Variants in KAZN observed in about 807,000 individuals in gnomAD.
KAZN encodes the protein kazrin.
Under a neutral mutation model 87.4 loss-of-function variants are expected in KAZN, and 40 were observed. That is an observed-to-expected ratio of 0.46 (90% CI 0.36 to 0.60). The LOEUF (loss-of-function observed/expected upper bound fraction) is 0.60. Among genes scored for constraint, KAZN ranks in the 20% least tolerant of loss-of-function variants. The pLI is 0.00. For missense variants in KAZN, 898 were observed against 1,073.9 expected (o/e 0.84, Z 2.29); for synonymous variants, 466 against 458.3 (o/e 1.02, Z -0.22).
rs75844696 is a variant in KAZN, at chr1:14,446,677, G to A, written c.250-152306G>A. On this transcript the variant is annotated intron_variant, in intron 2 of 16. Coordinates refer to the KAZN transcript ENST00000636203. ...ATTTCTTTTTCCCCTTGAACCCTAG[G>A]TGAGAGGGCTCCAGTTCTTCATTCG... Among the ~76,000 whole-genome samples, 1,150 of 152,200 alleles carry A rather than the reference G, an allele frequency of 7.6e-3. 21 individuals are homozygous for A. Among genetic ancestry groups the A allele is most frequent in the African/African-American group, 0.026 (1,078 of 41,508 alleles).
intron 2 of KAZN, among the ~76,000 whole-genome samples, chr1:14,257,150 G>T (rs1189874660): frequency 6.6e-6 from 1 of 152,134 alleles, no homozygotes; most frequent in African/African-American, 2.4e-5. Context: ...ATTTTTAAAG[G>T]CATCATTGAA....
chr1:14,285,527 G>GT (rs1228104043), intron 2 of KAZN, among the ~76,000 whole-genome samples: 1 of 152,140 alleles, frequency 6.6e-6, no homozygotes, highest in Non-Finnish European at 1.5e-5. Flanking sequence ...CACATGCAGT[G>GT]TTTGTCTTCT....
chr1:14,924,865 C>T (rs1658996854), intron 1 of KAZN, among the ~76,000 whole-genome samples: 2 of 152,126 alleles, frequency 1.3e-5, no homozygotes, highest in African/African-American at 2.4e-5. Flanking sequence ...GGGCTGGACC[C>T]CGCGTCTGCT....
At chr1:14,422,765 G>T (rs1358529393) in intron 2 of KAZN, among the ~76,000 whole-genome samples, 1 of 152,186 alleles carries the variant, frequency 6.6e-6, no homozygotes, top group Non-Finnish European at 1.5e-5. Context: ...CTAAGAGATG[G>T]CAGCTCATCT....
chr1:14,505,985 T>G (rs1033850975), intron 2 of KAZN, among the ~76,000 whole-genome samples: 1 of 151,838 alleles, frequency 6.6e-6, no homozygotes, highest in Non-Finnish European at 1.5e-5. Flanking sequence ...AAAAAAAAAG[T>G]TCTGGAGGTG....
intron 1 of KAZN, among the ~76,000 whole-genome samples, chr1:14,700,038 T>A (rs1641835780): frequency 6.6e-6 from 1 of 152,036 alleles, no homozygotes; most frequent in Non-Finnish European, 1.5e-5. Flanking sequence ...GAGGAGAACA[T>A]GACAGCCTCC....
intron 1 of KAZN, among the ~76,000 whole-genome samples, chr1:14,033,676 A>G (rs956297066): frequency 2.1e-4 from 32 of 152,348 alleles, no homozygotes; most frequent in Non-Finnish European, 4.4e-4. Flanking sequence ...TGGGACAGAA[A>G]TGAAACCTTT....
chr1:14,703,998 C>G (rs1642071699), intron 1 of KAZN, among the ~76,000 whole-genome samples: 2 of 152,188 alleles, frequency 1.3e-5, no homozygotes, highest in African/African-American at 4.8e-5. Flanking sequence ...TTTCTCCTAC[C>G]AAGTCCAGGA....
At chr1:14,175,928 C>T (rs991455349) in intron 1 of KAZN, among the ~76,000 whole-genome samples, 6 of 152,070 alleles carry the variant, frequency 3.9e-5, no homozygotes, top group Admixed American at 2.0e-4. Context: ...ATTTTAATGC[C>T]CTTGCCAACT....
At chr1:13,969,845 C>T (rs1436072001) in intron 1 of KAZN, among the ~76,000 whole-genome samples, 1 of 152,084 alleles carries the variant, frequency 6.6e-6, no homozygotes, top group African/African-American at 2.4e-5. Flanking sequence ...TTTTGGACTG[C>T]ATTGTCTTTT....
chr1:14,537,031 T>TAGA (rs1672542112), intron 2 of KAZN, among the ~76,000 whole-genome samples: 1 of 152,234 alleles, frequency 6.6e-6, no homozygotes, highest in Non-Finnish European at 1.5e-5. Context: ...ACTTGTTCTG[T>TAGA]GTCATAGTCC....
intron 1 of KAZN, among the ~76,000 whole-genome samples, chr1:13,962,893 G>A (rs1641807258): frequency 6.6e-6 from 1 of 152,190 alleles, no homozygotes; most frequent in Non-Finnish European, 1.5e-5. Flanking sequence ...AAACTGAGGT[G>A]TAGAGAAGTA....
intron 1 of KAZN, among the ~76,000 whole-genome samples, chr1:14,009,836 A>G (rs1408418667): frequency 6.6e-6 from 1 of 152,234 alleles, no homozygotes; most frequent in Non-Finnish European, 1.5e-5. Flanking sequence ...AGAATGTTGC[A>G]GTCATAACTG....
At chr1:14,783,104 G>A (rs1251842899) in intron 1 of KAZN, among the ~76,000 whole-genome samples, 2 of 152,152 alleles carry the variant, frequency 1.3e-5, no homozygotes, top group African/African-American at 2.4e-5. Flanking sequence ...GCCCTGAAGT[G>A]CTCAGTGCAG....
At chr1:14,656,490 C>T (rs1050020732) in intron 1 of KAZN, among the ~76,000 whole-genome samples, 7 of 152,202 alleles carry the variant, frequency 4.6e-5, no homozygotes, top group Non-Finnish European at 8.8e-5. Flanking sequence ...ATCCTCATGT[C>T]TCACATTGTA....
chr1:14,718,488 G>C lies in KAZN; in HGVS notation c.226+119265G>C, dbSNP rs183813940. 3.9e-5 allele frequency among the ~76,000 whole-genome samples: 6 copies of C among 152,338 alleles called. No homozygotes were observed. The East Asian group carries it at 1.2e-3, about 29-fold the overall frequency. On this transcript the variant is annotated intron_variant, in intron 1 of 14. Coordinates refer to ENST00000376030, the MANE Select transcript of KAZN (RefSeq NM_201628.3). ...TATCCTTTTTGTAATAAAAGGAAGA[G>C]AATTGCTGACAATTTTCACAAATTT...
chr1:14,171,703 T>C (rs1266338428), intron 1 of KAZN, among the ~76,000 whole-genome samples: 2 of 152,216 alleles, frequency 1.3e-5, no homozygotes, highest in Non-Finnish European at 2.9e-5. Flanking sequence ...ATGGAGCTTC[T>C]TGTGGCAAGG....
intron 2 of KAZN, among the ~76,000 whole-genome samples, chr1:15,026,545 A>AC (rs1463743247): frequency 4.6e-5 from 7 of 151,998 alleles, no homozygotes; most frequent in African/African-American, 9.7e-5. Context: ...TGGGACCCCC[A>AC]CCCCCAACTC....
chr1:13,987,481 T>C (rs1002704426), intron 1 of KAZN, among the ~76,000 whole-genome samples: 1 of 152,214 alleles, frequency 6.6e-6, no homozygotes, highest in Non-Finnish European at 1.5e-5. Flanking sequence ...TGCAATGTCA[T>C]AGTCATAAGC....
Sources: allele counts gnomAD v4.1 joint callset (sites outside exome capture counted in the v4.1 genomes callset), GRCh38; gene constraint gnomAD v4.1.1; transcripts MANE v1.5; gene names NCBI Gene and HGNC (gene_info 2026-07-23, HGNC 2026-07-21).